The following SEMA3D variants were observed in gnomAD, a reference collection of about 807,000 sequenced individuals.
SEMA3D encodes semaphorin-3D.
A neutral mutation model predicts 100.1 loss-of-function variants in SEMA3D; 84 were observed. That is an observed-to-expected ratio of 0.84 (90% confidence interval 0.70 to 1.01). The LOEUF (loss-of-function observed/expected upper bound fraction) is 1.01, where lower values mean the gene tolerates loss of function less well. SEMA3D is among the 50% of genes least tolerant of loss of function. The pLI, the probability that SEMA3D is intolerant of heterozygous loss-of-function variation, is 0.00. For missense variants in SEMA3D, 875 were observed against 934.1 expected, an observed-to-expected ratio of 0.94 and a Z score of 0.82; for synonymous variants, 312 against 320.7, an observed-to-expected ratio of 0.97 and a Z score of 0.29.
chr7:85,097,853 G>C lies in SEMA3D; in HGVS notation c.264C>G (p.Asp88Glu). 6.2e-7 allele frequency: 1 copy of C among 1,608,946 alleles called. No individual in the cohort carries two copies. Among genetic ancestry groups the C allele is most frequent in the East Asian group, 2.2e-5 (1 of 44,770 alleles). The change falls in exon 4 of 19, where the codon GAC (aspartate) becomes GAG (glutamate). Residue 88 changes from aspartate (D) to glutamate (E), a missense_variant. Coordinates refer to ENST00000284136, the MANE Select transcript of SEMA3D (RefSeq NM_001384900.1). ...CAACCAGACTGAGTAGAAAGATGTG[G>C]TCTTTGGCTCCCAAGAGCAGCCTGC... Reference protein sequence around the residue: ...ERGRLLLGAKDHIFLLSLVDL... With the variant: ...ERGRLLLGAKEHIFLLSLVDL...
the SEMA3D span, among the ~76,000 whole-genome samples, chr7:85,212,916 G>GAATGGTACACTTAGCTA: frequency 1.3e-5 from 2 of 151,926 alleles, no homozygotes; most frequent in East Asian, 1.9e-4. Flanking sequence ...GCATTAGATT[G>GAATGGTACACTTAGCTA]AATGGTACAC....
intron 3 of SEMA3D, among the ~76,000 whole-genome samples, chr7:85,115,132 A>T (rs529059476): frequency 2.0e-5 from 3 of 152,336 alleles, no homozygotes; most frequent in South Asian, 2.1e-4. Context: ...CAGCATGATG[A>T]TTCTGTATAT....
Position 85,112,003 on chromosome 7 carries a change from A to G in SEMA3D, c.151+9738T>C, listed in dbSNP as rs1789109863. 1.3e-5 allele frequency among the ~76,000 whole-genome samples: 2 copies of G among 152,112 alleles called. 1 individual carries two copies. Among genetic ancestry groups the G allele is most frequent in the South Asian group, 4.1e-4 (2 of 4,830 alleles). On this transcript the variant is annotated intron_variant, in intron 3 of 18. Transcript: ENST00000284136. The stretch of plus-strand genomic sequence containing the variant: ...TTCCTGACCACAATATTTGATTACT[A>G]CATACCCACCACTACTGAGCTCCCT...
At chr7:85,231,661 A>G in the SEMA3D span, among the ~76,000 whole-genome samples, 109 of 152,226 alleles carry the variant, frequency 7.2e-4, no homozygotes, top group East Asian at 6.6e-3. Context: ...TGTGTTAGCC[A>G]GGATGGTCTC....
chr7:85,006,680 A>T (rs1789804414), intron 18 of SEMA3D, 122 bp downstream of exon 18: 1 of 780,158 alleles, frequency 1.3e-6, no homozygotes, highest in Non-Finnish European at 1.9e-6. Context: ...GTTAGTGAGT[A>T]AAACCTGTTA....
At chr7:85,028,286 A>T in intron 12 of SEMA3D, 1 of 708,458 alleles carries the variant, frequency 1.4e-6, no homozygotes, top group Non-Finnish European at 2.6e-6. Context: ...AATGACTCTC[A>T]GCATCAGGGC....
chr7:85,191,722 G>T (rs1791697618), upstream of SEMA3D, among the ~76,000 whole-genome samples: 1 of 152,112 alleles, frequency 6.6e-6, no homozygotes, highest in Admixed American at 6.6e-5. Context: ...CAGCAGGAAG[G>T]CATTCCAACA....
At chr7:85,165,839 C>T (rs140956409) in intron 1 of SEMA3D, among the ~76,000 whole-genome samples, 378 of 152,120 alleles carry the variant, frequency 2.5e-3, no homozygotes, top group Non-Finnish European at 3.4e-3. Flanking sequence ...AAAGCAATCA[C>T]GCATCTCAAA....
intron 2 of SEMA3D, among the ~76,000 whole-genome samples, chr7:85,150,072 G>T (rs1158496297): frequency 6.6e-6 from 1 of 151,946 alleles, no homozygotes. Context: ...TTGAGAAGTT[G>T]TACGGTGCCC....
chr7:85,016,040 C>T (rs1790090868), intron 15 of SEMA3D, among the ~76,000 whole-genome samples: 1 of 151,626 alleles, frequency 6.6e-6, no homozygotes, highest in African/African-American at 2.4e-5. Flanking sequence ...TAGTACTCAA[C>T]TTACAGAAAT....
At chr7:85,007,157 T>C (rs1406745844) in intron 17 of SEMA3D, among the ~76,000 whole-genome samples, 2 of 152,076 alleles carry the variant, frequency 1.3e-5, no homozygotes, top group Admixed American at 1.3e-4. Context: ...TATTCTTTCA[T>C]CAATATATTA....
At chr7:85,236,187 A>G in the SEMA3D span, among the ~76,000 whole-genome samples, 21 of 152,150 alleles carry the variant, frequency 1.4e-4, no homozygotes, top group East Asian at 3.5e-3. Flanking sequence ...TAGTGACACT[A>G]CCTGCAACCC....
chr7:85,039,445 G>A (rs1790793765), intron 11 of SEMA3D, among the ~76,000 whole-genome samples: 1 of 152,116 alleles, frequency 6.6e-6, no homozygotes, highest in African/African-American at 2.4e-5. Flanking sequence ...TTTTAGTAGA[G>A]ATGGAGTTTC....
intron 1 of SEMA3D, among the ~76,000 whole-genome samples, chr7:85,185,355 A>T (rs1791510832): frequency 7.0e-6 from 1 of 142,092 alleles, no homozygotes; most frequent in South Asian, 2.4e-4. Context: ...CCACCCCGCC[A>T]TCCCCCGCTA....
intron 1 of SEMA3D, among the ~76,000 whole-genome samples, chr7:85,157,140 C>A (rs1240077149): frequency 2.6e-5 from 4 of 151,970 alleles, no homozygotes; most frequent in South Asian, 2.1e-4. Flanking sequence ...AAAAAATAGA[C>A]CTAGGGTTTT....
chr7:85,148,232 C>T (rs1790271256), intron 2 of SEMA3D, among the ~76,000 whole-genome samples: 1 of 152,130 alleles, frequency 6.6e-6, no homozygotes, highest in African/African-American at 2.4e-5. Context: ...TTAACCCTCC[C>T]TGAGATCTGT....
upstream of SEMA3D, among the ~76,000 whole-genome samples, chr7:85,190,708 A>G (rs1283731381): frequency 6.6e-6 from 1 of 152,150 alleles, no homozygotes; most frequent in Non-Finnish European, 1.5e-5. Context: ...AACTCTCAGA[A>G]GTAAATGCAT....
At chr7:85,056,634 A>C (rs961178831) in intron 8 of SEMA3D, among the ~76,000 whole-genome samples, 7 of 149,690 alleles carry the variant, frequency 4.7e-5, no homozygotes, top group African/African-American at 1.7e-4. Flanking sequence ...GCATATATAT[A>C]GCATTAAATT....
intron 4 of SEMA3D, among the ~76,000 whole-genome samples, chr7:85,094,297 C>T (rs879546017): frequency 2.0e-5 from 3 of 151,932 alleles, no homozygotes; most frequent in Non-Finnish European, 2.9e-5. Flanking sequence ...CAGAGTTGTA[C>T]AAGTGAGTGA....
Sources: allele counts gnomAD v4.1 joint callset (sites outside exome capture counted in the v4.1 genomes callset), GRCh38; gene constraint gnomAD v4.1.1; transcripts MANE v1.5; gene names NCBI Gene and HGNC (gene_info 2026-07-23, HGNC 2026-07-21).